Variants in NHSL2 observed in about 807,000 individuals in gnomAD.
NHSL2 encodes the protein NHS like 2.
Under a neutral mutation model 53.4 loss-of-function variants are expected in NHSL2, and 27 were observed. That is an observed-to-expected ratio of 0.51 (90% CI 0.37 to 0.70). NHSL2 has a LOEUF of 0.70. Ranked by LOEUF, NHSL2 falls within the 30% of genes least tolerant of loss-of-function variation. NHSL2 has a pLI of 0.00. For synonymous variants in NHSL2, 408 were observed against 404.1 expected (o/e 1.01, Z -0.12); for missense variants, 892 against 980.1 (o/e 0.91, Z 1.20).
At chrX:72,023,386 G>A (rs2042169520) in intron 1 of NHSL2, among the ~76,000 whole-genome samples, 1 of 112,685 alleles carries the variant, frequency 8.9e-6, no homozygotes, top group South Asian at 3.7e-4. Flanking sequence ...GAAGGAGATG[G>A]AGTATTGTCT....
intron 1 of NHSL2, among the ~76,000 whole-genome samples, chrX:72,027,996 GCTGCTGCTGCTGCTGCCA>G (rs1008289222): frequency 1.8e-5 from 2 of 111,270 alleles, no homozygotes; most frequent in South Asian, 7.6e-4. Flanking sequence ...TGCTGCTGCC[GCTGCTGCTGCTGCTGCCA>G]CTGCTGCTGC....
intron 1 of NHSL2, among the ~76,000 whole-genome samples, chrX:71,921,093 G>A (rs1445256158): frequency 1.8e-5 from 2 of 108,566 alleles, no homozygotes; most frequent in Admixed American, 9.7e-5. Flanking sequence ...GTGAGCCACC[G>A]TTCCCGGCCA....
At position 72,134,441 on chromosome X, in the gene NHSL2, C is replaced by T. The variant is rs893075881; in HGVS notation, c.565-68C>T. On this transcript the variant is annotated intron_variant, in intron 3 of 7. Coordinates refer to ENST00000633930, the MANE Select transcript of NHSL2 (RefSeq NM_001013627.3). Reference sequence around the variant, plus strand: ...GCCTCCAACTACCCAGCCTAAACAGCCACCCTATGGGCACTGGCTCATTGC... The same window carrying T: ...GCCTCCAACTACCCAGCCTAAACAGTCACCCTATGGGCACTGGCTCATTGC... 22 of 971,710 alleles carry T rather than the reference C, an allele frequency of 2.3e-5. No individual in the cohort carries two copies. The African/African-American group carries it at 4.2e-4, about 19-fold the overall frequency. 80.1% of individuals were successfully genotyped at this position (971,710 alleles called of 1,213,427 possible).
At chrX:71,938,250 C>T (rs2041748565) in intron 1 of NHSL2, among the ~76,000 whole-genome samples, 1 of 112,220 alleles carries the variant, frequency 8.9e-6, no homozygotes, top group African/African-American at 3.2e-5. Context: ...TTTTGTCCAT[C>T]CCTGTGTCCC....
chrX:72,078,359 C>A (rs1319197337), intron 1 of NHSL2, among the ~76,000 whole-genome samples: 5 of 112,492 alleles, frequency 4.4e-5, no homozygotes, highest in Admixed American at 3.7e-4. Flanking sequence ...CTAGGCTCCA[C>A]CCCTCAGAAG....
chrX:72,067,417 C>T (rs2042437288), intron 1 of NHSL2, among the ~76,000 whole-genome samples: 1 of 111,141 alleles, frequency 9.0e-6, no homozygotes, highest in Non-Finnish European at 1.9e-5. Flanking sequence ...CAGGATGTCC[C>T]ATGCATTCTA....
rs55941930 is a variant in NHSL2, at chrX:71,964,043, GTATA to G, written c.280+52686_280+52689del. Among the ~76,000 whole-genome samples the G allele has an allele frequency of 2.6e-4, 14 of 53,076 alleles. 1 individual carries two copies. The highest frequency in any genetic ancestry group is 1.0e-3 in the African/African-American group (14 of 13,712). The allele number at this position is 53,076 out of a possible 115,157, so 46.1% of individuals were successfully genotyped here. ...TATATATGTGTATATATATATATAT[GTATA>G]TATATATATGTGTATATATATATTA... On this transcript the variant is annotated intron_variant, in intron 1 of 7. Transcript: ENST00000633930.
intron 1 of NHSL2, among the ~76,000 whole-genome samples, chrX:71,945,339 A>G (rs1252823268): frequency 8.9e-6 from 1 of 112,251 alleles, no homozygotes; most frequent in African/African-American, 3.2e-5. Context: ...ACTGCTGAGA[A>G]GTCCCCTTTC....
chrX:72,076,745 A>C (rs144633199), intron 1 of NHSL2, among the ~76,000 whole-genome samples: 74 of 112,360 alleles, frequency 6.6e-4, no homozygotes, highest in African/African-American at 2.2e-3. Context: ...CTTTCAAACA[A>C]TCTGGGCTAA....
rs2042527629 is a variant in NHSL2, at chrX:72,153,044, T to G, written c.*9470T>G. On this transcript the variant is annotated 3_prime_UTR_variant, in exon 8 of 8. Coordinates refer to ENST00000633930, the MANE Select transcript of NHSL2 (RefSeq NM_001013627.3). Reference sequence around the variant, plus strand: ...AAGACACATCTCCTAGAGCTGGGAATGTGTCCCTAACATTTCAAGAAGAAG... The same window carrying G: ...AAGACACATCTCCTAGAGCTGGGAAGGTGTCCCTAACATTTCAAGAAGAAG... The G allele has an allele frequency of 8.9e-6, 1 of 111,947 alleles. No individual in the cohort carries two copies. Among genetic ancestry groups the G allele is most frequent in the African/African-American group, 3.3e-5 (1 of 30,561 alleles). The allele number at this position is 111,947 out of a possible 1,213,427, so 9.2% of individuals were successfully genotyped here.
intron 1 of NHSL2, among the ~76,000 whole-genome samples, chrX:72,044,046 C>T (rs140087617): frequency 7.2e-5 from 8 of 111,614 alleles, no homozygotes; most frequent in Non-Finnish European, 1.1e-4. Context: ...GTTGAGAGGA[C>T]GGTGGGGAGT....
chrX:71,963,760 C>A (rs1391878656), intron 1 of NHSL2, among the ~76,000 whole-genome samples: 1 of 104,635 alleles, frequency 9.6e-6, no homozygotes, highest in Non-Finnish European at 1.9e-5. Flanking sequence ...CCCAGCTCTA[C>A]AAAAAATAAA....
chrX:72,003,024 A>G (rs2042078539), intron 1 of NHSL2, among the ~76,000 whole-genome samples: 1 of 110,260 alleles, frequency 9.1e-6, no homozygotes, highest in South Asian at 3.9e-4. Flanking sequence ...AGATTGTGCT[A>G]TTCCCTCATG....
chrX:72,069,974 G>T (rs1291177628), intron 1 of NHSL2, among the ~76,000 whole-genome samples: 1 of 112,087 alleles, frequency 8.9e-6, no homozygotes, highest in East Asian at 2.8e-4. Flanking sequence ...CAGCCCCTTC[G>T]CCGGCAACCC....
intron 1 of NHSL2, among the ~76,000 whole-genome samples, chrX:71,920,108 A>G (rs1360667234): frequency 2.7e-5 from 3 of 112,334 alleles, no homozygotes; most frequent in Non-Finnish European, 5.6e-5. Flanking sequence ...CAGCGTGGAT[A>G]TGAAGCGAGG....
intron 1 of NHSL2, among the ~76,000 whole-genome samples, chrX:72,003,217 A>G (rs918411574): frequency 1.8e-5 from 2 of 111,439 alleles, no homozygotes; most frequent in Non-Finnish European, 3.8e-5. Context: ...TTGGAGGCAG[A>G]GAGGTGGGTT....
At chrX:72,000,450 G>A (rs2042067672) in intron 1 of NHSL2, among the ~76,000 whole-genome samples, 1 of 112,316 alleles carries the variant, frequency 8.9e-6, no homozygotes, top group South Asian at 3.7e-4. Flanking sequence ...TATTGCTGCT[G>A]TAACACATTA....
intron 1 of NHSL2, among the ~76,000 whole-genome samples, chrX:71,932,072 A>G (rs2147822642): frequency 8.9e-6 from 1 of 112,311 alleles, no homozygotes; most frequent in Non-Finnish European, 1.9e-5. Context: ...GCCTTCAGGG[A>G]GCTAAGCATT....
chrX:72,140,449 C>T lies in NHSL2; in HGVS notation c.2901C>T (p.Pro967=). 3 of 1,209,246 alleles carry T rather than the reference C, an allele frequency of 2.5e-6. No homozygotes were observed. The highest frequency in any genetic ancestry group is 3.4e-6 in the Non-Finnish European group (3 of 893,894). The change falls in exon 6 of 8, where the codon CCC becomes CCT. Residue 967 remains proline (P), a synonymous_variant. Transcript: ENST00000633930. ...DAFFSGTQQP[P]QGSVEDEGPK... The stretch of plus-strand genomic sequence containing the variant: ...TCTTCTCAGGAACACAGCAGCCTCC[C>T]CAGGGAAGTGTAGAGGACGAGGGCC...
Sources: gnomAD v4.1 joint callset for allele counts (sites outside exome capture counted in the v4.1 genomes callset) on GRCh38, gnomAD v4.1.1 for gene constraint, MANE v1.5 for transcripts, NCBI Gene and HGNC (gene_info 2026-07-23, HGNC 2026-07-21) for gene names.